The following ST7 variants were observed in gnomAD, a reference collection of about 807,000 sequenced individuals.
The protein encoded by ST7 is suppression of tumorigenicity 7, also known as suppressor of tumorigenicity 7 protein.
In ST7, 28 loss-of-function variants were observed where a neutral mutation model predicts 78.7. The ratio of observed to expected loss-of-function variants is 0.36; its 90% CI spans 0.26 to 0.49. ST7 has a LOEUF of 0.49. Among genes scored for constraint, ST7 ranks in the 20% least tolerant of loss-of-function variants. ST7 has a pLI of 0.99. For missense variants in ST7, 418 were observed against 696.0 expected, an observed-to-expected ratio of 0.60 and a Z score of 4.49; for synonymous variants, 247 against 249.6, an observed-to-expected ratio of 0.99 and a Z score of 0.10.
At chr7:117,059,454 A>G (rs1798236562) in intron 1 of ST7, among the ~76,000 whole-genome samples, 1 of 152,184 alleles carries the variant, frequency 6.6e-6, no homozygotes, top group Admixed American at 6.5e-5. Context: ...GCTAGAATGG[A>G]CAGAAATAAT....
At chr7:117,164,929 C>T (rs1434679112) in intron 9 of ST7, among the ~76,000 whole-genome samples, 1 of 152,106 alleles carries the variant, frequency 6.6e-6, no homozygotes, top group East Asian at 1.9e-4. Context: ...TTCTGGCTCT[C>T]ACTTTCTATG....
intron 1 of ST7, chr7:116,956,590 GC>G (rs1792506034): frequency 2.1e-6 from 1 of 471,064 alleles, no homozygotes; most frequent in South Asian, 1.5e-5. Flanking sequence ...GCTTCCATAG[GC>G]CCAGCTCTGT....
At chr7:117,094,401 T>C (rs1199709737) in intron 1 of ST7, among the ~76,000 whole-genome samples, 1 of 152,204 alleles carries the variant, frequency 6.6e-6, no homozygotes, top group Non-Finnish European at 1.5e-5. Flanking sequence ...ATGCCTTTTC[T>C]TGGCAGAAAT....
At chr7:117,184,986 G>A (rs577720116) in intron 10 of ST7, among the ~76,000 whole-genome samples, 59 of 152,272 alleles carry the variant, frequency 3.9e-4, no homozygotes, top group African/African-American at 1.3e-3. Flanking sequence ...AAATAACCAA[G>A]CCTCACCCTT....
chr7:117,056,327 T>C (rs1349448890), intron 1 of ST7, among the ~76,000 whole-genome samples: 1 of 152,118 alleles, frequency 6.6e-6, no homozygotes, highest in Non-Finnish European at 1.5e-5. Context: ...TTGTGAGAGT[T>C]ACATGAGATT....
chr7:117,045,409 G>T (rs1014740944), intron 1 of ST7, among the ~76,000 whole-genome samples: 3 of 152,020 alleles, frequency 2.0e-5, no homozygotes, highest in Non-Finnish European at 4.4e-5. Context: ...CAGGTACACT[G>T]CTGCCTTAGG....
At chr7:117,122,967 A>C (rs1803524239) in intron 3 of ST7, among the ~76,000 whole-genome samples, 1 of 152,190 alleles carries the variant, frequency 6.6e-6, no homozygotes, top group Non-Finnish European at 1.5e-5. Flanking sequence ...GAGGGTTATC[A>C]GTGTATTTTC....
chr7:117,009,023 A>G (rs990779010), intron 1 of ST7, among the ~76,000 whole-genome samples: 2 of 152,178 alleles, frequency 1.3e-5, no homozygotes, highest in Non-Finnish European at 2.9e-5. Context: ...GTTTATGACT[A>G]TTTTTGCACT....
chr7:116,979,864 C>T (rs1938215566), intron 1 of ST7, among the ~76,000 whole-genome samples: 1 of 151,858 alleles, frequency 6.6e-6, no homozygotes. Flanking sequence ...TGCTTTTCTT[C>T]ATACACCATG....
At chr7:116,994,005 TATATC>T (rs774696794) in intron 1 of ST7, among the ~76,000 whole-genome samples, 1 of 152,248 alleles carries the variant, frequency 6.6e-6, no homozygotes, top group South Asian at 2.1e-4. Context: ...TATGCTAAAA[TATATC>T]ATATCATTTA....
chr7:117,229,847 C>T lies in ST7; in HGVS notation c.1724C>T (p.Thr575Ile), dbSNP rs1263941356. 6.2e-7 allele frequency: 1 copy of T among 1,614,098 alleles called. No homozygotes were observed. Among genetic ancestry groups the T allele is most frequent in the African/African-American group, 1.3e-5 (1 of 75,032 alleles). ...ILPSSLWHQL[T>I]RI ...CCATCCAGTCTGTGGCACCAGCTAA[C>T]ACGGATCTGAGAGAAGCCCTGTCCT... The change falls in exon 16 of 16, where the codon ACA becomes ATA. Residue 575 changes from threonine (T) to isoleucine (I), a missense_variant. Thr to Ile is a moderately conservative substitution (Grantham distance 89). This residue lies in a region of ST7 where 288 missense variants were observed against 537.1 expected (regional missense o/e 0.54). Transcript: ENST00000323984.
At chr7:116,955,994 A>G (rs1387102519) in intron 1 of ST7, among the ~76,000 whole-genome samples, 1 of 152,218 alleles carries the variant, frequency 6.6e-6, no homozygotes, top group Non-Finnish European at 1.5e-5. Flanking sequence ...AAGGGGAAGC[A>G]CACAGAGAGC....
At chr7:116,968,305 T>TTTCCTCCCTCCC (rs1793240573) in intron 1 of ST7, 1 of 3,748 alleles carries the variant, frequency 2.7e-4, no homozygotes, top group Non-Finnish European at 9.0e-4. Context: ...CCTTCCTTCC[T>TTTCCTCCCTCCC]TCCTTCCTTC....
At chr7:117,200,832 TTTA>T (rs1305459457) in intron 12 of ST7, among the ~76,000 whole-genome samples, 4 of 121,752 alleles carry the variant, frequency 3.3e-5, no homozygotes, top group African/African-American at 1.2e-4. Context: ...TTTTTTTTTT[TTTA>T]AAAAAAAAAG....
Position 117,229,849 on chromosome 7 carries a change from C to T in ST7, c.1726C>T (p.Arg576Trp). 6.2e-7 allele frequency: 1 copy of T among 1,613,898 alleles called. No homozygotes were observed. Among genetic ancestry groups the T allele is most frequent in the Non-Finnish European group, 8.5e-7 (1 of 1,179,822 alleles). Reference protein sequence around the residue: ...LPSSLWHQLTRI With the variant: ...LPSSLWHQLTWI Reference sequence around the variant, plus strand: ...ATCCAGTCTGTGGCACCAGCTAACACGGATCTGAGAGAAGCCCTGTCCTCC... The same window carrying T: ...ATCCAGTCTGTGGCACCAGCTAACATGGATCTGAGAGAAGCCCTGTCCTCC... Residue 576 changes from arginine (R) to tryptophan (W), a missense_variant, in exon 16 of 16, where the codon CGG becomes TGG. By Grantham distance (101) the Arg-to-Trp change is moderately radical. Around this residue, in one of 4 missense-constraint regions of ST7, gnomAD observed 288 missense variants for 537.1 expected, o/e 0.54. Transcript: ENST00000323984.
At chr7:117,041,062 TG>T (rs1198063537) in intron 1 of ST7, among the ~76,000 whole-genome samples, 5 of 152,162 alleles carry the variant, frequency 3.3e-5, no homozygotes, top group Non-Finnish European at 5.9e-5. Context: ...AGGATTTCTC[TG>T]GGGAACAGCG....
At chr7:116,976,042 C>T (rs1793688428) in intron 1 of ST7, among the ~76,000 whole-genome samples, 2 of 151,996 alleles carry the variant, frequency 1.3e-5, no homozygotes, top group African/African-American at 4.8e-5. Flanking sequence ...AGGCAGATCA[C>T]CTGAGGTCAG....
chr7:117,228,558 T>C (rs1334287771), intron 15 of ST7, among the ~76,000 whole-genome samples: 1 of 152,156 alleles, frequency 6.6e-6, no homozygotes, highest in African/African-American at 2.4e-5. Context: ...CCAGTGTGTG[T>C]TCTACTGGTC....
chr7:117,059,859 T>G (rs1798260249), intron 1 of ST7, among the ~76,000 whole-genome samples: 1 of 149,554 alleles, frequency 6.7e-6, no homozygotes, highest in African/African-American at 2.5e-5. Context: ...AATGTGTGCC[T>G]GTAGTCCTAG....
Sources: gnomAD v4.1 joint callset for allele counts (sites outside exome capture counted in the v4.1 genomes callset) on GRCh38, gnomAD v4.1.1 for gene constraint, gnomAD v4.1.1 regional missense constraint, MANE v1.5 for transcripts, NCBI Gene and HGNC (gene_info 2026-07-23, HGNC 2026-07-21) for gene names.